Variants in HS6ST3 observed in about 807,000 individuals in gnomAD.
HS6ST3 encodes the protein heparan sulfate 6-O-sulfotransferase 3.
A neutral mutation model predicts 36.7 loss-of-function variants in HS6ST3; 12 were observed. The observed-to-expected ratio is 0.33, with a 90% CI of 0.21 to 0.53. HS6ST3 has a LOEUF of 0.53. Among genes scored for constraint, HS6ST3 ranks in the 20% least tolerant of loss-of-function variants. The probability of loss-of-function intolerance (pLI) is 0.95; values close to 1 mark genes in which losing one functional copy is unlikely to be tolerated. For missense variants in HS6ST3, 584 were observed against 640.9 expected (o/e 0.91, Z 0.96); for synonymous variants, 240 against 257.5 (o/e 0.93, Z 0.65).
intron 1 of HS6ST3, among the ~76,000 whole-genome samples, chr13:96,334,690 T>C (rs61966933): frequency 0.1 from 15,412 of 152,122 alleles, 842 homozygotes; most frequent in Middle Eastern, 0.14. Flanking sequence ...CATCAGATCT[T>C]GTGAGACTTA....
chr13:96,315,684 T>G (rs2054965342), intron 1 of HS6ST3, among the ~76,000 whole-genome samples: 2 of 152,162 alleles, frequency 1.3e-5, no homozygotes, highest in Non-Finnish European at 2.9e-5. Flanking sequence ...AATGCCATTT[T>G]TTTTTAAAAA....
rs187512500 is a variant in HS6ST3, at chr13:96,639,411, T to A, written c.708-193079T>A. 2.3e-3 allele frequency among the ~76,000 whole-genome samples: 355 copies of A among 152,100 alleles called. 3 individuals are homozygous for A. Among genetic ancestry groups the A allele is most frequent in the Non-Finnish European group, 3.7e-4 (25 of 67,950 alleles). On this transcript the variant is annotated intron_variant, in intron 1 of 1. Transcript: ENST00000376705. ...ATTGTGTCTTTTACTTCCAACCTAT[T>A]TGTGTCTTTGAAAGTGTGTCTCTTT...
chr13:96,096,467 G>A (rs898728155), intron 1 of HS6ST3, among the ~76,000 whole-genome samples: 1 of 152,150 alleles, frequency 6.6e-6, no homozygotes, highest in Admixed American at 6.5e-5. Context: ...TAGTTCTAAT[G>A]TAAGCTGAGT....
At chr13:96,588,218 T>A (rs1177119068) in intron 1 of HS6ST3, among the ~76,000 whole-genome samples, 1 of 151,338 alleles carries the variant, frequency 6.6e-6, no homozygotes, top group East Asian at 1.9e-4. Flanking sequence ...TTTAGACACC[T>A]TTTTTTTTCT....
At position 96,384,325 on chromosome 13, in the gene HS6ST3, A is replaced by G. The variant is rs576164906; in HGVS notation, c.707+292756A>G. ...TTATTTTAATTTGAAAATGATAGTA[A>G]CTGAGTTCTGACCTTACTTGCGGCA... On this transcript the variant is annotated intron_variant, in intron 1 of 1. Transcript: ENST00000376705. Among the ~76,000 whole-genome samples, 3 of 152,062 alleles carry G rather than the reference A, an allele frequency of 2.0e-5. No homozygotes were observed. In the South Asian group the frequency reaches 6.2e-4, roughly 32 times the overall value.
rs187579955 is a variant in HS6ST3, at chr13:96,454,577, C to A, written c.707+363008C>A. ...CACTAAAATCTGCTCATGTGTGATG[C>A]TGTCTTCACTTGGAAGGGCGTTTGC... On this transcript the variant is annotated intron_variant, in intron 1 of 1. Coordinates refer to ENST00000376705, the MANE Select transcript of HS6ST3 (RefSeq NM_153456.4). Among the ~76,000 whole-genome samples the A allele has an allele frequency of 1.1e-3, 168 of 152,082 alleles. 1 individual carries two copies. Among genetic ancestry groups the A allele is most frequent in the African/African-American group, 3.7e-3 (155 of 41,484 alleles).
intron 1 of HS6ST3, among the ~76,000 whole-genome samples, chr13:96,651,499 G>T (rs1318439162): frequency 6.6e-6 from 1 of 152,134 alleles, no homozygotes; most frequent in African/African-American, 2.4e-5. Flanking sequence ...CTCTCCAGGT[G>T]TATGAATCAA....
intron 1 of HS6ST3, among the ~76,000 whole-genome samples, chr13:96,741,758 C>G (rs1399659364): frequency 6.6e-6 from 1 of 152,190 alleles, no homozygotes; most frequent in Non-Finnish European, 1.5e-5. Flanking sequence ...ATGTCATCAG[C>G]TAACACATTC....
intron 1 of HS6ST3, among the ~76,000 whole-genome samples, chr13:96,813,616 T>C (rs958388372): frequency 8.5e-5 from 13 of 152,218 alleles, no homozygotes; most frequent in Non-Finnish European, 7.3e-5. Context: ...CTCAGCTCAC[T>C]CTATGCCCAG....
intron 1 of HS6ST3, among the ~76,000 whole-genome samples, chr13:96,525,801 CT>C (rs1368778687): frequency 6.6e-6 from 1 of 152,214 alleles, no homozygotes; most frequent in Non-Finnish European, 1.5e-5. Context: ...TCTACAGCTA[CT>C]TACTGTGTAC....
intron 1 of HS6ST3, among the ~76,000 whole-genome samples, chr13:96,659,177 C>T (rs1006184201): frequency 9.8e-5 from 15 of 152,296 alleles, no homozygotes; most frequent in African/African-American, 2.6e-4. Context: ...TTATTGCCAA[C>T]AAGTGGCATT....
At chr13:96,270,829 C>T (rs542484894) in intron 1 of HS6ST3, among the ~76,000 whole-genome samples, 269 of 151,948 alleles carry the variant, frequency 1.8e-3, no homozygotes, top group Non-Finnish European at 2.2e-3. Flanking sequence ...ATCAGCCTTT[C>T]ATTTGCTTGC....
intron 1 of HS6ST3, among the ~76,000 whole-genome samples, chr13:96,407,992 G>A (rs2055487506): frequency 1.3e-5 from 2 of 152,174 alleles, no homozygotes; most frequent in African/African-American, 4.8e-5. Context: ...CCAGGCTGGA[G>A]TGCAGTGGCA....
intron 1 of HS6ST3, among the ~76,000 whole-genome samples, chr13:96,479,110 T>A (rs1219631627): frequency 6.6e-6 from 1 of 152,074 alleles, no homozygotes; most frequent in African/African-American, 2.4e-5. Flanking sequence ...AGGGGACAGG[T>A]GATTATATAT....
chr13:96,674,148 T>G (rs2056691254), intron 1 of HS6ST3, among the ~76,000 whole-genome samples: 1 of 152,126 alleles, frequency 6.6e-6, no homozygotes. Context: ...CTTGCTGTTT[T>G]CATGATACTG....
chr13:96,737,347 C>T (rs1157203892), intron 1 of HS6ST3, among the ~76,000 whole-genome samples: 4 of 152,084 alleles, frequency 2.6e-5, no homozygotes, highest in African/African-American at 4.8e-5. Context: ...TTATTTTGGC[C>T]GGGCGCGGTG....
chr13:96,440,048 G>C (rs1386212385), intron 1 of HS6ST3, among the ~76,000 whole-genome samples: 1 of 152,194 alleles, frequency 6.6e-6, no homozygotes, highest in Non-Finnish European at 1.5e-5. Context: ...ATTTATACCA[G>C]TAAGTATTCT....
At chr13:96,361,927 A>C (rs2055240515) in intron 1 of HS6ST3, among the ~76,000 whole-genome samples, 1 of 152,162 alleles carries the variant, frequency 6.6e-6, no homozygotes, top group African/African-American at 2.4e-5. Flanking sequence ...TCAGACCAGC[A>C]GATTTGGGAT....
At chr13:96,709,709 C>T (rs575050899) in intron 1 of HS6ST3, among the ~76,000 whole-genome samples, 79 of 152,282 alleles carry the variant, frequency 5.2e-4, no homozygotes, top group Non-Finnish European at 7.1e-4. Flanking sequence ...AGACTTGTAG[C>T]CTTTATAACT....
Sources: gnomAD v4.1 joint callset for allele counts (sites outside exome capture counted in the v4.1 genomes callset) on GRCh38, gnomAD v4.1.1 for gene constraint, MANE v1.5 for transcripts, NCBI Gene and HGNC (gene_info 2026-07-23, HGNC 2026-07-21) for gene names.